Variants in TIMM21 observed in about 807,000 individuals in gnomAD.
The protein encoded by TIMM21 is mitochondrial import inner membrane translocase subunit Tim21.
A neutral mutation model predicts 27.7 loss-of-function variants in TIMM21; 30 were observed. That is an observed-to-expected ratio of 1.08 (90% CI 0.81 to 1.47). The LOEUF (loss-of-function observed/expected upper bound fraction) is 1.47, where lower values mean the gene tolerates loss of function less well. Among genes scored for constraint, TIMM21 ranks in the 40% most tolerant of loss-of-function variants. The probability of loss-of-function intolerance (pLI) is 0.00; values close to 1 mark genes in which losing one functional copy is unlikely to be tolerated. For missense variants in TIMM21, 292 were observed against 302.9 expected, an observed-to-expected ratio of 0.96 and a Z score of 0.27; for synonymous variants, 121 against 114.4, an observed-to-expected ratio of 1.06 and a Z score of -0.37.
At position 74,155,335 on chromosome 18, in the gene TIMM21, C is replaced by T. The variant is rs1454873855; in HGVS notation, c.394C>T (p.Leu132Phe). 6.2e-7 allele frequency: 1 copy of T among 1,613,296 alleles called. No individual in the cohort carries two copies. The highest frequency in any genetic ancestry group is 8.5e-7 in the Non-Finnish European group (1 of 1,179,830). The change falls in exon 3 of 6, where the codon CTT becomes TTT. Residue 132 changes from leucine to phenylalanine, a missense_variant. Physicochemically the swap from Leu to Phe is conservative, Grantham distance 22. Coordinates refer to ENST00000169551, the MANE Select transcript of TIMM21 (RefSeq NM_014177.3). ...CTTGTTTTACACGATTTTCAAAGAACTTTTTTCTTCATCCAGTCCTAGCAA... is the reference window on the plus strand; with the variant it reads ...CTTGTTTTACACGATTTTCAAAGAATTTTTTTCTTCATCCAGTCCTAGCAA... ...GGLFYTIFKELFSSSSPSKIY... is the reference protein window; with the variant it reads ...GGLFYTIFKEFFSSSSPSKIY...
Position 74,158,243 on chromosome 18 carries a change from G to C in TIMM21, c.609G>C (p.Gly203=), listed in dbSNP as rs778789995. The change falls in exon 5 of 6, where the codon GGG becomes GGC. Residue 203 remains glycine (G), a synonymous_variant. Coordinates refer to ENST00000169551, the MANE Select transcript of TIMM21 (RefSeq NM_014177.3). ...TCTACATTGAGGGCTCTGAGCCAGG[G>C]AAGCAAGGAACGGTGTATGCGCAAG... ...VKFYIEGSEP[G]KQGTVYAQVK... 5 of 1,614,226 alleles carry C rather than the reference G, an allele frequency of 3.1e-6. No individual in the cohort carries two copies. The highest frequency in any genetic ancestry group is 3.4e-6 in the Non-Finnish European group (4 of 1,180,036).
rs11539079 is a variant in TIMM21, at chr18:74,148,820, T to C, written c.12T>C (p.Thr4=). 1.9e-6 allele frequency: 3 copies of C among 1,603,298 alleles called. No homozygotes were observed. Among genetic ancestry groups the C allele is most frequent in the Non-Finnish European group, 2.6e-6 (3 of 1,170,982 alleles). Residue 4 remains threonine, a synonymous_variant, in exon 1 of 6, where the codon ACT becomes ACC. Transcript: ENST00000169551. ...GATTTTCCGTGAACATGATTTGTACTTTTCTACGAGCCGTACAGTATACGG... is the reference window on the plus strand; with the variant it reads ...GATTTTCCGTGAACATGATTTGTACCTTTCTACGAGCCGTACAGTATACGG... MIC[T]FLRAVQYTEK...
chr18:74,148,906 C>T lies in TIMM21; in HGVS notation c.98C>T (p.Ala33Val), dbSNP rs761428169. The T allele has an allele frequency of 3.1e-6, 5 of 1,614,168 alleles. No individual in the cohort carries two copies. Among genetic ancestry groups the T allele is most frequent in the Non-Finnish European group, 4.2e-6 (5 of 1,180,038 alleles). The change falls in exon 1 of 6, where the codon GCG becomes GTG. Residue 33 changes from alanine (A) to valine (V), a missense_variant. By Grantham distance (64) the Ala-to-Val change is moderately conservative. Transcript: ENST00000169551. ...TTGCCATACATCGTGCTTAACAAAG[C>T]GTGCTTGAAGACTGAGCCCAGTTTG... Reference protein sequence around the residue: ...LLLPYIVLNKACLKTEPSLRC... With the variant: ...LLLPYIVLNKVCLKTEPSLRC...
intron 3 of TIMM21, chr18:74,155,641 A>G (rs1442500191): frequency 6.1e-6 from 3 of 490,798 alleles, no homozygotes; most frequent in Non-Finnish European, 1.1e-5. Flanking sequence ...TTGTTCATAG[A>G]TACTAAATTT....
chr18:74,159,646 CCAA>C lies in TIMM21; in HGVS notation c.*1169_*1171del, dbSNP rs869078738. ...TAGATGTTTTTAATTATAAAAATTTCCAACATTTAAGGAGTATAGAAAATATAA... is the reference window on the plus strand; with the variant it reads ...TAGATGTTTTTAATTATAAAAATTTCCATTTAAGGAGTATAGAAAATATAA... On this transcript the variant is annotated 3_prime_UTR_variant, in exon 6 of 6. Coordinates refer to ENST00000169551, the MANE Select transcript of TIMM21 (RefSeq NM_014177.3). The C allele has an allele frequency of 1.3e-4, 20 of 152,242 alleles. No individual in the cohort carries two copies. In the East Asian group the frequency reaches 3.9e-3, roughly 29 times the overall value. The allele number at this position is 152,242 out of a possible 1,614,324, so 9.4% of individuals were successfully genotyped here.
At chr18:74,157,938 A>T (rs1305914176) in intron 3 of TIMM21, 76 bp from the exon 4 acceptor site, 3 of 1,515,036 alleles carry the variant, frequency 2.0e-6, no homozygotes, top group Non-Finnish European at 2.7e-6. Flanking sequence ...TCCTAAAATC[A>T]TCTGGTTTGT....
Position 74,149,099 on chromosome 18 carries a change from A to G in TIMM21, c.291A>G (p.Thr97=). The G allele has an allele frequency of 6.2e-7, 1 of 1,609,148 alleles. No individual in the cohort carries two copies. Among genetic ancestry groups the G allele is most frequent in the East Asian group, 2.2e-5 (1 of 44,754 alleles). The change falls in exon 1 of 6, where the codon ACA becomes ACG. Residue 97 remains threonine (T), a synonymous_variant. Transcript: ENST00000169551. ...AGAGAGGGGGAACCGCCGTCCCAAC[A>G]TCACAAAAAGGTAAAAAGGAGTACT... is the stretch of plus-strand genomic sequence containing the variant. The part of the protein sequence containing the change: ...RSQRGGTAVP[T]SQKVKEAGRD...
chr18:74,148,567 C>A lies in TIMM21; in HGVS notation c.-242C>A. The A allele has an allele frequency of 2.4e-6, 1 of 415,470 alleles. No individual in the cohort carries two copies. Among genetic ancestry groups the A allele is most frequent in the Non-Finnish European group, 4.4e-6 (1 of 229,126 alleles). 25.7% of individuals were successfully genotyped at this position (415,470 alleles called of 1,614,324 possible). A position where few individuals can be genotyped will look rare whatever the true frequency, so the allele number is the denominator to read the frequency against. On this transcript the variant is annotated 5_prime_UTR_variant, in exon 1 of 6. Coordinates refer to ENST00000169551, the MANE Select transcript of TIMM21 (RefSeq NM_014177.3). ...TGGCGGGGACACTGTGAATGTCAGC[C>A]CAGAAGGTGATCAGAGCCTGTTAAT...
chr18:74,150,335 G>A (rs757334186), intron 1 of TIMM21, among the ~76,000 whole-genome samples: 29 of 152,122 alleles, frequency 1.9e-4, no homozygotes, highest in South Asian at 8.3e-4. Flanking sequence ...GGTAGTTCCT[G>A]GCCACTTGTA....
intron 3 of TIMM21, chr18:74,156,588 C>A (rs1979957772): frequency 6.9e-6 from 2 of 290,212 alleles, no homozygotes; most frequent in Admixed American, 5.2e-5. Context: ...CAAATTTTAT[C>A]TGACAAGAAA....
In TIMM21 at chr18:74,154,072, TTGG is replaced by T. The variant is rs373721478; in HGVS notation, c.302-1071_302-1069del. On this transcript the variant is annotated intron_variant, in intron 1 of 5. Transcript: ENST00000169551. ...ACACATGGTAGATATACAGTAGCTG[TTGG>T]TAAGTGAAAAAATAGAAAGACTCAC... Among the ~76,000 whole-genome samples, 476 of 152,270 alleles carry T rather than the reference TTGG, an allele frequency of 3.1e-3. 1 individual carries two copies. Among genetic ancestry groups the T allele is most frequent in the African/African-American group, 0.011 (460 of 41,544 alleles).
chr18:74,155,837 CT>C (rs1979936625), intron 3 of TIMM21, among the ~76,000 whole-genome samples: 1 of 152,228 alleles, frequency 6.6e-6, no homozygotes, highest in South Asian at 2.1e-4. Context: ...TTCGGCACTA[CT>C]TTGTCTTCAG....
chr18:74,151,938 C>CCCG (rs1568190869), intron 1 of TIMM21, among the ~76,000 whole-genome samples: 1 of 67,308 alleles, frequency 1.5e-5, no homozygotes, highest in Admixed American at 1.9e-4. Flanking sequence ...TGTCTATGTT[C>CCCG]CCCCCCCCCC....
Position 74,152,455 on chromosome 18 carries a change from C to A in TIMM21, c.302-2690C>A, listed in dbSNP as rs564099261. Among the ~76,000 whole-genome samples, 1 of 152,296 alleles carries A rather than the reference C, an allele frequency of 6.6e-6. No individual in the cohort carries two copies. The highest frequency in any genetic ancestry group is 2.4e-5 in the African/African-American group (1 of 41,556). Reference sequence around the variant, plus strand: ...TCATCTCACCATCCCTCTCCATGGCCCCAGCCACAGCCGTCTGATATAAGT... The same window carrying A: ...TCATCTCACCATCCCTCTCCATGGCACCAGCCACAGCCGTCTGATATAAGT... On this transcript the variant is annotated intron_variant, in intron 1 of 5. Transcript: ENST00000169551. The surrounding 1 kb of genome is among the most constrained non-coding windows in gnomAD (Gnocchi z 4.1).
Position 74,148,623 on chromosome 18 carries a change from G to C in TIMM21, c.-186G>C, listed in dbSNP as rs182415673. 3 of 561,684 alleles carry C rather than the reference G, an allele frequency of 5.3e-6. No homozygotes were observed. The Admixed American group carries it at 8.9e-5, about 17-fold the overall frequency. 34.8% of individuals were successfully genotyped at this position (561,684 alleles called of 1,614,324 possible). A position where few individuals can be genotyped will look rare whatever the true frequency, so the allele number is the denominator to read the frequency against. The stretch of plus-strand genomic sequence containing the variant: ...TGGAAAGAAGACAGAAGGGAAGGTA[G>C]ACATCAGGTTCTCCCTGGAGACTTT... On this transcript the variant is annotated 5_prime_UTR_variant, in exon 1 of 6. It removes the in-frame stop codon of an upstream open reading frame in the 5' UTR. Coordinates refer to ENST00000169551, the MANE Select transcript of TIMM21 (RefSeq NM_014177.3).
Position 74,158,064 on chromosome 18 carries a change from G to GA in TIMM21, c.513_514insA (p.Arg172ThrfsTer11). On this transcript the variant is annotated frameshift_variant, in exon 4 of 6. Transcript: ENST00000169551. LOFTEE classifies it high-confidence loss of function. ...TTAAAGGCTATGGGGAGGTGACAAG[G>GA]CGGGGTCGCCGGCAGCATGTCAGGT... 6.2e-7 allele frequency: 1 copy of GA among 1,614,230 alleles called. No individual in the cohort carries two copies. Among genetic ancestry groups the GA allele is most frequent in the African/African-American group, 1.3e-5 (1 of 75,058 alleles).
At chr18:74,154,152 T>A (rs1007808363) in intron 1 of TIMM21, among the ~76,000 whole-genome samples, 1 of 152,228 alleles carries the variant, frequency 6.6e-6, no homozygotes, top group Admixed American at 6.5e-5. Flanking sequence ...CAATCGGGAA[T>A]CTAGGGTGAT....
In TIMM21 at chr18:74,159,880, A is replaced by G. The variant is rs188180092; in HGVS notation, c.*1400A>G. The G allele has an allele frequency of 9.8e-4, 150 of 152,372 alleles. No homozygotes were observed. Among genetic ancestry groups the G allele is most frequent in the African/African-American group, 3.5e-3 (145 of 41,584 alleles). The allele number at this position is 152,372 out of a possible 1,614,324, so 9.4% of individuals were successfully genotyped here. ...TCTTCAAACAACCTGCTCAAACTGT[A>G]GCTTGCTGAAGAAGCCCGGCATCTG... On this transcript the variant is annotated 3_prime_UTR_variant, in exon 6 of 6. Transcript: ENST00000169551.
chr18:74,154,755 G>A lies in TIMM21; in HGVS notation c.302-390G>A, dbSNP rs1979904323. Among the ~76,000 whole-genome samples, 6 of 152,330 alleles carry A rather than the reference G, an allele frequency of 3.9e-5. No individual in the cohort carries two copies. The South Asian group carries it at 1.2e-3, about 32-fold the overall frequency. On this transcript the variant is annotated intron_variant, in intron 1 of 5. Coordinates refer to ENST00000169551, the MANE Select transcript of TIMM21 (RefSeq NM_014177.3). The stretch of plus-strand genomic sequence containing the variant: ...GTTCTGTTTTTATGCACCAGTCAGT[G>A]TGGGGTGGGACTGGCATTCGAGCTA...
Sources: allele counts gnomAD v4.1 joint callset (sites outside exome capture counted in the v4.1 genomes callset), GRCh38; gene constraint gnomAD v4.1.1; non-coding constraint Gnocchi (gnomAD v3.1); transcripts MANE v1.5; gene names NCBI Gene and HGNC (gene_info 2026-07-23, HGNC 2026-07-21).